Variants in ZMYM6 observed in about 807,000 individuals in gnomAD.
The protein encoded by ZMYM6 is zinc finger MYM-type containing 6.
In ZMYM6, 90 loss-of-function variants were observed where a neutral mutation model predicts 134.0. The observed-to-expected ratio is 0.67, with a 90% CI of 0.57 to 0.80. ZMYM6 has a LOEUF of 0.80. Ranked by LOEUF, ZMYM6 falls within the 30% of genes least tolerant of loss-of-function variation. ZMYM6 has a pLI of 0.00. For synonymous variants in ZMYM6, 481 were observed against 524.1 expected (o/e 0.92, Z 1.12); for missense variants, 1,362 against 1,533.9 (o/e 0.89, Z 1.87).
At position 34,987,279 on chromosome 1, in the gene ZMYM6, T is replaced by A; in HGVS notation, c.3803A>T (p.His1268Leu). ...TAATAAAAATTTCATTGCCCTTTCA[T>A]GGAGTTCTGGGTAACTTGTCTTTGC... ...INAKTSYPEL[H>L]ERAMKFLLPF... Residue 1268 changes from histidine (H) to leucine (L), a missense_variant, in exon 16 of 16, where the codon CAT becomes CTT. By Grantham distance (99) the His-to-Leu change is moderately conservative. Around this residue, in one of 3 missense-constraint regions of ZMYM6, gnomAD observed 824 missense variants for 940.9 expected, o/e 0.88. Coordinates refer to ENST00000357182, the MANE Select transcript of ZMYM6 (RefSeq NM_007167.4). 1.2e-6 allele frequency: 2 copies of A among 1,613,204 alleles called. No individual in the cohort carries two copies. Among genetic ancestry groups the A allele is most frequent in the East Asian group, 4.5e-5 (2 of 44,856 alleles).
At position 35,014,690 on chromosome 1, in the gene ZMYM6, T is replaced by C. The variant is rs1477362497; in HGVS notation, c.795+7A>G. ...CCTAAGTACATGCAACAAATAGATA[T>C]TCATACCTGCTTGTATGCCGTGACA... On this transcript the variant is annotated splice_region_variant and intron_variant, in intron 6 of 15. Transcript: ENST00000357182. 1.2e-6 allele frequency: 2 copies of C among 1,612,166 alleles called. No individual in the cohort carries two copies. The highest frequency in any genetic ancestry group is 1.7e-5 in the Admixed American group (1 of 59,730).
chr1:35,028,638 T>C (rs1249115518), intron 2 of ZMYM6, among the ~76,000 whole-genome samples: 1 of 151,612 alleles, frequency 6.6e-6, no homozygotes, highest in Non-Finnish European at 1.5e-5. Flanking sequence ...TAGCTGGGAC[T>C]ACAGGCGCCC....
chr1:35,031,317 C>T (rs1030846003), intron 1 of ZMYM6: 1 of 152,260 alleles, frequency 6.6e-6, no homozygotes, highest in African/African-American at 2.4e-5. Context: ...CCCCTCAGAG[C>T]CCCGCTTCAC....
At chr1:35,019,207 A>T in intron 4 of ZMYM6, 146 bp downstream of exon 4, 2 of 1,220,518 alleles carry the variant, frequency 1.6e-6, no homozygotes, top group Non-Finnish European at 2.3e-6. Context: ...GCAAAACTTT[A>T]AAATTGGTGA....
Position 35,030,645 on chromosome 1 carries a change from T to A in ZMYM6, c.-6A>T. On this transcript the variant is annotated 5_prime_UTR_variant, in exon 2 of 16. Coordinates refer to ENST00000357182, the MANE Select transcript of ZMYM6 (RefSeq NM_007167.4). ...CCATCCAAAGGTTCTTTCATTCTAA[T>A]TTTTTACCTCAAAGAGTGTCTCAGG... is the stretch of plus-strand genomic sequence containing the variant. 1 of 1,611,200 alleles carries A rather than the reference T, an allele frequency of 6.2e-7. No homozygotes were observed. Among genetic ancestry groups the A allele is most frequent in the Non-Finnish European group, 8.5e-7 (1 of 1,179,460 alleles).
At chr1:35,020,635 C>T (rs533836059) in intron 2 of ZMYM6, among the ~76,000 whole-genome samples, 168 bp from the exon 3 acceptor site, 40 of 144,168 alleles carry the variant, frequency 2.8e-4, no homozygotes, top group African/African-American at 1.0e-3. Context: ...TGCAGTGGCG[C>T]GATCTCAGCT....
chr1:34,994,585 C>G (rs899722445), intron 14 of ZMYM6, among the ~76,000 whole-genome samples: 1 of 151,902 alleles, frequency 6.6e-6, no homozygotes, highest in Non-Finnish European at 1.5e-5. Context: ...CAGTCAAAAA[C>G]AAAATTAGGA....
intron 8 of ZMYM6, 56 bp downstream of exon 8, chr1:35,011,834 G>T: frequency 8.1e-7 from 1 of 1,238,108 alleles, no homozygotes; most frequent in Non-Finnish European, 1.1e-6. Flanking sequence ...TTAACACTGT[G>T]CCACAGATCG....
Position 35,015,072 on chromosome 1 carries a change from A to G in ZMYM6, c.519T>C (p.Ser173=). 1 of 1,614,098 alleles carries G rather than the reference A, an allele frequency of 6.2e-7. No individual in the cohort carries two copies. The highest frequency in any genetic ancestry group is 8.5e-7 in the Non-Finnish European group (1 of 1,179,992). The change falls in exon 5 of 16, where the codon TCT becomes TCC. Residue 173 remains serine, a synonymous_variant. Transcript: ENST00000357182. ...CAACAGGTTTTTTCTTTAGCTCATAAGATGACAAGCATGATTGGCTGCAGA... is the reference window on the plus strand; with the variant it reads ...CAACAGGTTTTTTCTTTAGCTCATAGGATGACAAGCATGATTGGCTGCAGA... ...KDFCSQSCLS[S]YELKKKPVVT...
chr1:34,987,563 TG>T lies in ZMYM6; in HGVS notation c.3518del (p.Ser1173Ter), dbSNP rs757573027. The T allele has an allele frequency of 6.2e-7, 1 of 1,613,942 alleles. No homozygotes were observed. The highest frequency in any genetic ancestry group is 1.1e-5 in the South Asian group (1 of 90,990). On this transcript the variant is annotated frameshift_variant, in exon 16 of 16. Coordinates refer to ENST00000357182, the MANE Select transcript of ZMYM6 (RefSeq NM_007167.4). LOFTEE classifies it high-confidence loss of function. ...YDMFPSFSEF[S>X]NSSGLNMTDI... ...CTGTCATATTTAAGCCTGATGAATT[TG>T]AGAATTCAGAAAATGAAGGGAACAT...
chr1:35,002,952 C>T (rs1188973291), intron 14 of ZMYM6, among the ~76,000 whole-genome samples: 1 of 151,904 alleles, frequency 6.6e-6, no homozygotes, highest in Non-Finnish European at 1.5e-5. Context: ...GCGGGAGGAT[C>T]ACTTGAGGCT....
intron 13 of ZMYM6, 102 bp downstream of exon 13, chr1:35,005,030 C>G: frequency 7.1e-7 from 1 of 1,407,918 alleles, no homozygotes; most frequent in Non-Finnish European, 9.7e-7. Flanking sequence ...TGCACTCCAG[C>G]CTGGGCAACA....
At chr1:35,004,174 G>A (rs1231798020) in intron 13 of ZMYM6, among the ~76,000 whole-genome samples, 169 bp from the exon 14 acceptor site, 1 of 152,126 alleles carries the variant, frequency 6.6e-6, no homozygotes, top group Non-Finnish European at 1.5e-5. Context: ...CTTAATAACG[G>A]TAAGGATTCC....
At chr1:34,998,524 A>C (rs1370429038) in intron 14 of ZMYM6, among the ~76,000 whole-genome samples, 1 of 152,132 alleles carries the variant, frequency 6.6e-6, no homozygotes, top group Non-Finnish European at 1.5e-5. Context: ...GTAGAGAAAA[A>C]ACTGCAAAGG....
chr1:35,012,289 A>G (rs1641101509), intron 7 of ZMYM6, 142 bp downstream of exon 7: 2 of 815,256 alleles, frequency 2.5e-6, no homozygotes, highest in Non-Finnish European at 3.6e-6. Flanking sequence ...ATTTTCACAT[A>G]AAAGTCAGTT....
intron 4 of ZMYM6, chr1:35,018,422 A>T (rs1641244460): frequency 6.6e-6 from 1 of 152,114 alleles, no homozygotes; most frequent in Admixed American, 6.6e-5. Flanking sequence ...AACACAGCCA[A>T]AGACAAAATA....
At position 34,987,028 on chromosome 1, in the gene ZMYM6, G is replaced by C. The variant is rs1245575979; in HGVS notation, c.*76C>G. 9.3e-7 allele frequency: 1 copy of C among 1,078,340 alleles called. No homozygotes were observed. Among genetic ancestry groups the C allele is most frequent in the African/African-American group, 1.6e-5 (1 of 62,034 alleles). 66.8% of individuals were successfully genotyped at this position (1,078,340 alleles called of 1,614,324 possible). A position where few individuals can be genotyped will look rare whatever the true frequency, so the allele number is the denominator to read the frequency against. On this transcript the variant is annotated 3_prime_UTR_variant, in exon 16 of 16. Coordinates refer to ENST00000357182, the MANE Select transcript of ZMYM6 (RefSeq NM_007167.4). ...CACTGAAAACACAAATCCACATTAG[G>C]AAATTATCTTTTAGGATACTTATAC...
chr1:35,012,858 T>A (rs1369644832), intron 6 of ZMYM6: 1 of 985,302 alleles, frequency 1.0e-6, no homozygotes, highest in Admixed American at 6.1e-5. Flanking sequence ...CATTACATAC[T>A]TTTTAATCAC....
Position 34,992,168 on chromosome 1 carries a change from T to G in ZMYM6, c.2146+66A>C, listed in dbSNP as rs747749480. 5.0e-6 allele frequency: 8 copies of G among 1,602,476 alleles called. No individual in the cohort carries two copies. The East Asian group carries it at 1.6e-4, about 31-fold the overall frequency. ...CTGTCAATTATTTTCTTTTCCTTTC[T>G]TAAAAAACAAAAACAAACAAGCCAG... On this transcript the variant is annotated intron_variant, in intron 15 of 15. Coordinates refer to ENST00000357182, the MANE Select transcript of ZMYM6 (RefSeq NM_007167.4).
Sources: gnomAD v4.1 joint callset for allele counts (sites outside exome capture counted in the v4.1 genomes callset) on GRCh38, gnomAD v4.1.1 for gene constraint, gnomAD v4.1.1 regional missense constraint, MANE v1.5 for transcripts, NCBI Gene and HGNC (gene_info 2026-07-23, HGNC 2026-07-21) for gene names.